PCDHGB2: variants seen among roughly 807,000 people sequenced by gnomAD.
PCDHGB2 encodes the protein protocadherin gamma subfamily B, 2, also known as protocadherin gamma-B2.
In PCDHGB2, 55 loss-of-function variants were observed where a neutral mutation model predicts 59.3. That is an observed-to-expected ratio of 0.93 (90% CI 0.75 to 1.16). PCDHGB2 has a LOEUF of 1.16. Among genes scored for constraint, PCDHGB2 ranks in the 50% most tolerant of loss-of-function variants. The probability of loss-of-function intolerance (pLI) is 0.00; values close to 1 mark genes in which losing one functional copy is unlikely to be tolerated. For missense variants in PCDHGB2, 1,228 were observed against 1,198.5 expected, an observed-to-expected ratio of 1.02 and a Z score of -0.36; for synonymous variants, 516 against 512.0, an observed-to-expected ratio of 1.01 and a Z score of -0.11.
rs1311219092 is a variant in PCDHGB2 at position 141,372,180 on chromosome 5, G to A, written c.2421+9624G>A. 1 of 1,613,652 alleles carries A rather than the reference G, an allele frequency of 6.2e-7. No homozygotes were observed. On this transcript the variant is annotated intron_variant, in intron 1 of 3. Transcript: ENST00000522605. ...GGTGACCAAGGTGGTGGCGGTGGAC[G>A]CAGACTCGGGATACAACGCCTGGCT...
At chr5:141,469,543 C>G (rs1031152008) in intron 1 of PCDHGB2, among the ~76,000 whole-genome samples, 4 of 152,040 alleles carry the variant, frequency 2.6e-5, no homozygotes, top group Non-Finnish European at 4.4e-5. Flanking sequence ...CCACTGCACT[C>G]CAGCCTGGCG....
At chr5:141,389,582 T>G (rs1266016569) in intron 1 of PCDHGB2, 7 of 1,613,028 alleles carry the variant, frequency 4.3e-6, no homozygotes, top group Non-Finnish European at 5.1e-6. Flanking sequence ...CCGCGCTGGG[T>G]CCCGACGGCT....
At chr5:141,390,355 T>C in intron 1 of PCDHGB2, 1 of 1,554,132 alleles carries the variant, frequency 6.4e-7, no homozygotes, top group Non-Finnish European at 8.8e-7. Flanking sequence ...AATATACATA[T>C]TTGCAGGAAA....
intron 1 of PCDHGB2, chr5:141,376,333 G>A: frequency 6.2e-7 from 1 of 1,614,188 alleles, no homozygotes; most frequent in Non-Finnish European, 8.5e-7. Context: ...GGGCTTTCCT[G>A]CAGACCTATT....
chr5:141,366,594 A>ACC (rs746902775), intron 1 of PCDHGB2: 4 of 1,614,124 alleles, frequency 2.5e-6, no homozygotes, highest in Non-Finnish European at 3.4e-6. Context: ...ACCTATTCCC[A>ACC]CGAGGTCTCC....
chr5:141,419,945 T>TTGGCCTTGATTTCTG (rs1205104698), intron 1 of PCDHGB2: 6 of 1,613,970 alleles, frequency 3.7e-6, no homozygotes, highest in Non-Finnish European at 4.2e-6. Flanking sequence ...GGTGGTGGCC[T>TTGGCCTTGATTTCTG]TGGCCTTGAT....
chr5:141,429,510 T>A (rs2097220128), intron 1 of PCDHGB2, among the ~76,000 whole-genome samples: 1 of 152,124 alleles, frequency 6.6e-6, no homozygotes, highest in African/African-American at 2.4e-5. Context: ...AAACTGTGCC[T>A]GGCAGAGAAA....
chr5:141,511,823 GC>G lies in PCDHGB2; in HGVS notation c.*653del, dbSNP rs2099883963. On this transcript the variant is annotated 3_prime_UTR_variant, in exon 4 of 4. Coordinates refer to ENST00000522605, the MANE Select transcript of PCDHGB2 (RefSeq NM_018923.3). The stretch of plus-strand genomic sequence containing the variant: ...TTTTGCTACCAAGCCTCTTCCCAAC[GC>G]CCTGGGGACCAGTCTTCTGTTTTGT... The G allele has an allele frequency of 6.4e-6, 1 of 156,728 alleles. No individual in the cohort carries two copies. The highest frequency in any genetic ancestry group is 1.9e-4 in the South Asian group (1 of 5,164). 9.7% of individuals were successfully genotyped at this position (156,728 alleles called of 1,614,324 possible).
Position 141,476,480 on chromosome 5 carries a change from G to A in PCDHGB2, c.2422-18327G>A, listed in dbSNP as rs761828753. 1 of 1,614,108 alleles carries A rather than the reference G, an allele frequency of 6.2e-7. No individual in the cohort carries two copies. The highest frequency in any genetic ancestry group is 2.2e-5 in the East Asian group (1 of 44,846). On this transcript the variant is annotated intron_variant, in intron 1 of 3. Transcript: ENST00000522605. This position sits in a 1 kb window ranked among gnomAD's most constrained non-coding sequence, Gnocchi z 7.6. ...GAACCCGCTGGAGCTGTTCAGCGTG[G>A]AAGTGGTGATCCAGGACATCAACGA...
chr5:141,403,273 A>C, intron 1 of PCDHGB2: 1 of 1,613,886 alleles, frequency 6.2e-7, no homozygotes, highest in African/African-American at 1.3e-5. Context: ...TGAACTTTAA[A>C]GTCCTGGTTG....
chr5:141,439,531 G>T (rs1474855779), intron 1 of PCDHGB2, among the ~76,000 whole-genome samples: 1 of 152,126 alleles, frequency 6.6e-6, no homozygotes, highest in Non-Finnish European at 1.5e-5. Context: ...TCTACAGAAC[G>T]CTGTCCTCTC....
chr5:141,384,399 A>G (rs1269939422), intron 1 of PCDHGB2: 2 of 1,613,970 alleles, frequency 1.2e-6, no homozygotes, highest in Non-Finnish European at 1.7e-6. Context: ...AGGGGGCTCC[A>G]GTGTCCTCCT....
chr5:141,485,762 G>A lies in PCDHGB2; in HGVS notation c.2422-9045G>A, dbSNP rs774145313. 3.1e-6 allele frequency: 5 copies of A among 1,614,226 alleles called. No homozygotes were observed. The highest frequency in any genetic ancestry group is 3.3e-5 in the Admixed American group (2 of 60,030). ...CAGCCTGGTCCCAGAGCTGCTCCTG[G>A]AGAAGCCTTTGGATCGAGAGAAGCA... On this transcript the variant is annotated intron_variant, in intron 1 of 3. Transcript: ENST00000522605. The surrounding 1 kb of genome is among the most constrained non-coding windows in gnomAD (Gnocchi z 5.7).
In PCDHGB2 at chr5:141,432,611, T is replaced by G. The variant is rs141541670; in HGVS notation, c.2422-62196T>G. The G allele has an allele frequency of 4.2e-4, 676 of 1,613,808 alleles. 1 individual carries two copies. The African/African-American group carries it at 5.6e-3, about 13-fold the overall frequency. On this transcript the variant is annotated intron_variant, in intron 1 of 3. Coordinates refer to ENST00000522605, the MANE Select transcript of PCDHGB2 (RefSeq NM_018923.3). This position sits in a 1 kb window ranked among gnomAD's most constrained non-coding sequence, Gnocchi z 6.0. ...CAAGGCCAGCGAGCCGGGACTCTTC[T>G]CGGTGGGTCTGCACACGGGCGAGGT...
At chr5:141,365,374 CCTCACCTCTCT>C in intron 1 of PCDHGB2, 1 of 1,613,808 alleles carries the variant, frequency 6.2e-7, no homozygotes, top group African/African-American at 1.3e-5. Context: ...CCGAAGTGAT[CCTCACCTCTCT>C]GACCAGTTCG....
intron 1 of PCDHGB2, among the ~76,000 whole-genome samples, chr5:141,444,162 T>A: frequency 8.4e-6 from 1 of 119,238 alleles, no homozygotes. Flanking sequence ...ATTTTTTTTT[T>A]TTTTTTTTTT....
At position 141,414,686 on chromosome 5, in the gene PCDHGB2, C is replaced by A. The variant is rs201724090; in HGVS notation, c.2421+52130C>A. On this transcript the variant is annotated intron_variant, in intron 1 of 3. Coordinates refer to ENST00000522605, the MANE Select transcript of PCDHGB2 (RefSeq NM_018923.3). ...GCTGAAGACACCATCCAGGGGGTAC[C>A]TCTGTCCTCATACATATCCATCAAC... 57 of 1,613,924 alleles carry A rather than the reference C, an allele frequency of 3.5e-5. No homozygotes were observed. The highest frequency in any genetic ancestry group is 1.6e-4 in the Middle Eastern group (1 of 6,084).
At position 141,360,445 on chromosome 5, in the gene PCDHGB2, C is replaced by T. The variant is rs1253448702; in HGVS notation, c.310C>T (p.Leu104=). 3.1e-6 allele frequency: 5 copies of T among 1,613,934 alleles called. No individual in the cohort carries two copies. The highest frequency in any genetic ancestry group is 3.4e-6 in the Non-Finnish European group (4 of 1,179,880). Residue 104 remains leucine, a synonymous_variant, in exon 1 of 4, where the codon CTG becomes TTG. Coordinates refer to ENST00000522605, the MANE Select transcript of PCDHGB2 (RefSeq NM_018923.3). The stretch of plus-strand genomic sequence containing the variant: ...ATGCGGGAAGCAGCCTCTGTGTGTT[C>T]TGGATTTCGATACTGTCGCTGAAAA... ...QICGKQPLCV[L]DFDTVAENPL...
chr5:141,412,930 C>A, intron 1 of PCDHGB2: 1 of 451,594 alleles, frequency 2.2e-6, no homozygotes, highest in Non-Finnish European at 3.9e-6. Context: ...GCAGTAACTT[C>A]TTAGGACTCT....
Sources: allele counts gnomAD v4.1 joint callset (sites outside exome capture counted in the v4.1 genomes callset), GRCh38; gene constraint gnomAD v4.1.1; non-coding constraint Gnocchi (gnomAD v3.1); transcripts MANE v1.5; gene names NCBI Gene and HGNC (gene_info 2026-07-23, HGNC 2026-07-21).